The following DSG2 variants were observed in gnomAD, a reference collection of about 807,000 sequenced individuals.
The protein encoded by DSG2 is desmoglein 2, also known as desmoglein-2.
Under a neutral mutation model 75.6 loss-of-function variants are expected in DSG2, and 45 were observed. That is an observed-to-expected ratio of 0.60 (90% confidence interval 0.47 to 0.76). The LOEUF (loss-of-function observed/expected upper bound fraction) is 0.76, where lower values mean the gene tolerates loss of function less well. Ranked by LOEUF, DSG2 falls within the 30% of genes least tolerant of loss-of-function variation. DSG2 has a pLI of 0.00. For missense variants in DSG2, 1,267 were observed against 1,357.4 expected, an observed-to-expected ratio of 0.93 and a Z score of 1.05; for synonymous variants, 429 against 483.9, an observed-to-expected ratio of 0.89 and a Z score of 1.49.
intron 6 of DSG2, among the ~76,000 whole-genome samples, chr18:31,523,643 C>T (rs1384306292): frequency 1.3e-5 from 2 of 152,160 alleles, no homozygotes; most frequent in Non-Finnish European, 2.9e-5. Context: ...ACTTACTGGG[C>T]ATTTACCTTC....
In DSG2 at chr18:31,546,854, A is replaced by C; in HGVS notation, c.*111A>C. 1 of 1,215,202 alleles carries C rather than the reference A, an allele frequency of 8.2e-7. No homozygotes were observed. The highest frequency in any genetic ancestry group is 1.2e-6 in the Non-Finnish European group (1 of 826,906). The allele number at this position is 1,215,202 out of a possible 1,614,324, so 75.3% of individuals were successfully genotyped here. A position where few individuals can be genotyped will look rare whatever the true frequency, so the allele number is the denominator to read the frequency against. On this transcript the variant is annotated 3_prime_UTR_variant, in exon 15 of 15. Coordinates refer to ENST00000261590, the MANE Select transcript of DSG2 (RefSeq NM_001943.5). ...TACAGACACACAGAGACACATACAC[A>C]TTGATCTTAAAATTTTTCTCAGTCA... is the stretch of plus-strand genomic sequence containing the variant.
intron 14 of DSG2, 76 bp from the exon 15 acceptor site, chr18:31,545,645 A>G: frequency 6.6e-7 from 1 of 1,513,238 alleles, no homozygotes; most frequent in Non-Finnish European, 9.0e-7. Flanking sequence ...AGGAATATAG[A>G]GTCTTGTTTT....
At chr18:31,501,632 G>A (rs1008373540) in intron 1 of DSG2, among the ~76,000 whole-genome samples, 1 of 152,204 alleles carries the variant, frequency 6.6e-6, no homozygotes, top group South Asian at 2.1e-4. Context: ...CTCCATCTGC[G>A]CATGGCATTC....
Position 31,541,200 on chromosome 18 carries a change from A to C in DSG2, c.1887A>C (p.Pro629=). ...AATTTTGTGTCTGTACAGTGGTACCACTTTTACTGCTGATGTGCCATTGCG... is the reference window on the plus strand; with the variant it reads ...AATTTTGTGTCTGTACAGTGGTACCCCTTTTACTGCTGATGTGCCATTGCG... ...ILAFLLLLLV[P]LLLLMCHCGK... Residue 629 remains proline (P), a synonymous_variant, in exon 13 of 15, where the codon CCA becomes CCC. Coordinates refer to ENST00000261590, the MANE Select transcript of DSG2 (RefSeq NM_001943.5). 2 of 1,614,162 alleles carry C rather than the reference A, an allele frequency of 1.2e-6. No individual in the cohort carries two copies. Among genetic ancestry groups the C allele is most frequent in the Non-Finnish European group, 1.7e-6 (2 of 1,179,998 alleles).
intron 5 of DSG2, 56 bp downstream of exon 5, chr18:31,521,299 C>A (rs2073127322): frequency 1.3e-6 from 2 of 1,496,178 alleles, no homozygotes; most frequent in Non-Finnish European, 9.1e-7. Context: ...ACTTTATCCC[C>A]ACTGTAAATA....
intron 14 of DSG2, among the ~76,000 whole-genome samples, chr18:31,545,074 C>T (rs1017936962): frequency 6.6e-6 from 1 of 152,144 alleles, no homozygotes; most frequent in African/African-American, 2.4e-5. Context: ...CCTTTCCTGT[C>T]TCACTGCTAA....
At chr18:31,507,026 C>G (rs1273743574) in intron 1 of DSG2, among the ~76,000 whole-genome samples, 1 of 151,998 alleles carries the variant, frequency 6.6e-6, no homozygotes, top group Non-Finnish European at 1.5e-5. Context: ...TTGCTGCACC[C>G]ATCAACTCGT....
At chr18:31,523,838 C>T (rs1247784519) in intron 6 of DSG2, among the ~76,000 whole-genome samples, 1 of 152,228 alleles carries the variant, frequency 6.6e-6, no homozygotes, top group Non-Finnish European at 1.5e-5. Context: ...GCAGATGGCT[C>T]CAGGGTCCTG....
chr18:31,508,539 A>T (rs2073050850), intron 1 of DSG2, among the ~76,000 whole-genome samples: 1 of 151,952 alleles, frequency 6.6e-6, no homozygotes, highest in Admixed American at 6.6e-5. Flanking sequence ...GATTACAGGC[A>T]TGCACCACCA....
intron 10 of DSG2, among the ~76,000 whole-genome samples, chr18:31,535,700 A>G (rs1598819262): frequency 6.6e-6 from 1 of 151,894 alleles, no homozygotes; most frequent in African/African-American, 2.4e-5. Context: ...AGACTGAGGC[A>G]GGAGAATTGC....
Position 31,546,728 on chromosome 18 carries a change from G to T in DSG2, c.3342G>T (p.Gln1114His). ...GAGTTACCAAGCATAGCACTGTACA[G>T]CATTCTTACTCCTAAACAGCAGTCA... ...STRVTKHSTV[Q>H]HSYS The change falls in exon 15 of 15, where the codon CAG becomes CAT. Residue 1114 changes from glutamine to histidine, a missense_variant. Gln to His is a conservative substitution (Grantham distance 24). Transcript: ENST00000261590. 2 of 1,614,126 alleles carry T rather than the reference G, an allele frequency of 1.2e-6. No individual in the cohort carries two copies. Among genetic ancestry groups the T allele is most frequent in the Non-Finnish European group, 1.7e-6 (2 of 1,179,992 alleles).
At chr18:31,521,988 A>C in intron 5 of DSG2, 95 bp from the exon 6 acceptor site, 8 of 1,201,918 alleles carry the variant, frequency 6.7e-6, no homozygotes, top group Non-Finnish European at 9.5e-6. Context: ...AGCACCTGAA[A>C]TCTTTTTTGG....
chr18:31,516,603 C>A (rs184138776), intron 1 of DSG2, among the ~76,000 whole-genome samples: 1 of 152,234 alleles, frequency 6.6e-6, no homozygotes, highest in South Asian at 2.1e-4. Context: ...AACCTAGACT[C>A]TTCTGAGCAA....
chr18:31,524,263 T>G (rs929934040), intron 6 of DSG2, among the ~76,000 whole-genome samples, 185 bp from the exon 7 acceptor site: 5 of 152,224 alleles, frequency 3.3e-5, no homozygotes, highest in Non-Finnish European at 7.3e-5. Flanking sequence ...CTCCCGAGGC[T>G]TTTCTGTTCT....
At chr18:31,542,971 TTTC>T in intron 14 of DSG2, 119 bp downstream of exon 14, 2 of 971,760 alleles carry the variant, frequency 2.1e-6, no homozygotes, top group Non-Finnish European at 2.9e-6. Context: ...TTTTTTTTTT[TTTC>T]TTTTTTCAGG....
At chr18:31,504,801 A>G (rs941804923) in intron 1 of DSG2, among the ~76,000 whole-genome samples, 3 of 152,206 alleles carry the variant, frequency 2.0e-5, no homozygotes, top group African/African-American at 7.2e-5. Context: ...CATGTCTACA[A>G]TCTGTCTTCT....
rs571901361 is a variant in DSG2, at chr18:31,545,040, G to T, written c.2335-681G>T. Among the ~76,000 whole-genome samples, 195 of 152,236 alleles carry T rather than the reference G, an allele frequency of 1.3e-3. 1 individual carries two copies. The highest frequency in any genetic ancestry group is 2.3e-3 in the Non-Finnish European group (158 of 68,010). On this transcript the variant is annotated intron_variant, in intron 14 of 14. Coordinates refer to ENST00000261590, the MANE Select transcript of DSG2 (RefSeq NM_001943.5). ...TATTAGCTTAACAGGGATGTGGGTGGTGTCAAGCAAAACCATTTCTTGGCC... is the reference window on the plus strand; with the variant it reads ...TATTAGCTTAACAGGGATGTGGGTGTTGTCAAGCAAAACCATTTCTTGGCC...
chr18:31,498,861 C>G (rs1313938065), intron 1 of DSG2, among the ~76,000 whole-genome samples: 1 of 152,142 alleles, frequency 6.6e-6, no homozygotes, highest in Non-Finnish European at 1.5e-5. Flanking sequence ...GGATCACCCA[C>G]ATATAGTTTT....
chr18:31,500,959 G>A (rs2073010590), intron 1 of DSG2, among the ~76,000 whole-genome samples: 1 of 152,142 alleles, frequency 6.6e-6, no homozygotes. Context: ...GGAAGACACT[G>A]CACAGTAGTG....
Sources: allele counts gnomAD v4.1 joint callset (sites outside exome capture counted in the v4.1 genomes callset), GRCh38; gene constraint gnomAD v4.1.1; transcripts MANE v1.5; gene names NCBI Gene and HGNC (gene_info 2026-07-23, HGNC 2026-07-21).